The following NF1 variants were observed in gnomAD, a reference collection of about 807,000 sequenced individuals.
The protein encoded by NF1 is neurofibromin.
A neutral mutation model predicts 325.7 loss-of-function variants in NF1; 122 were observed. That is an observed-to-expected ratio of 0.37 (90% confidence interval 0.32 to 0.44). NF1 has a LOEUF of 0.44. Among genes scored for constraint, NF1 ranks in the 20% least tolerant of loss-of-function variants. The pLI is 1.00. For synonymous variants in NF1, 1,091 were observed against 1,186.0 expected (o/e 0.92, Z 1.65); for missense variants, 2,140 against 3,415.4 (o/e 0.63, Z 9.31).
chr17:31,343,078 G>C lies in NF1; in HGVS notation c.7132G>C (p.Val2378Leu), dbSNP rs764999370. ...GCACTGCAAGCAAATGGATCATTTT[G>C]TTGGACTCAATTTCAACTCTAACTT... The part of the protein sequence containing the change: ...EWHCKQMDHF[V>L]GLNFNSNFNF... The change falls in exon 48 of 58, where the codon GTT becomes CTT. Residue 2378 changes from valine to leucine, a missense_variant. By Grantham distance (32) the Val-to-Leu change is conservative (BLOSUM62 1). Transcript: ENST00000358273. The C allele has an allele frequency of 6.2e-7, 1 of 1,614,070 alleles. No homozygotes were observed. Among genetic ancestry groups the C allele is most frequent in the South Asian group, 1.1e-5 (1 of 91,086 alleles).
At chr17:31,217,896 C>T (rs192491049) in intron 13 of NF1, among the ~76,000 whole-genome samples, 6 of 134,176 alleles carry the variant, frequency 4.5e-5, no homozygotes, top group Non-Finnish European at 9.2e-5. Context: ...ACCCAGGAGG[C>T]AGAGGTTGCA....
At chr17:31,295,554 A>G in intron 36 of NF1, 1 of 1,614,092 alleles carries the variant, frequency 6.2e-7, no homozygotes, top group Admixed American at 1.7e-5. Flanking sequence ...TCCTTTAAAG[A>G]TGATATTTGG....
At chr17:31,105,667 A>G (rs1912794088) in intron 1 of NF1, among the ~76,000 whole-genome samples, 3 of 152,092 alleles carry the variant, frequency 2.0e-5, no homozygotes, top group Admixed American at 1.3e-4. Flanking sequence ...GGCATGCGCC[A>G]CCATGCCCAG....
chr17:31,107,968 CA>C (rs1913016565), intron 1 of NF1, among the ~76,000 whole-genome samples: 1 of 150,574 alleles, frequency 6.6e-6, no homozygotes, highest in African/African-American at 2.4e-5. Context: ...CTAGTATGCA[CA>C]AAAAAATAAA....
chr17:31,365,801 A>G (rs2070505804), intron 57 of NF1, among the ~76,000 whole-genome samples: 1 of 152,182 alleles, frequency 6.6e-6, no homozygotes, highest in Non-Finnish European at 1.5e-5. Flanking sequence ...ACCTTGTACT[A>G]TATAGTATTC....
intron 54 of NF1, 133 bp downstream of exon 54, chr17:31,357,502 G>A (rs927704099): frequency 1.5e-5 from 11 of 738,104 alleles, no homozygotes; most frequent in Non-Finnish European, 2.2e-5. Flanking sequence ...TGAGACAGTA[G>A]GTTTAATGAG....
At chr17:31,102,023 T>A (rs1322488065) in intron 1 of NF1, among the ~76,000 whole-genome samples, 1 of 152,212 alleles carries the variant, frequency 6.6e-6, no homozygotes, top group Non-Finnish European at 1.5e-5. Flanking sequence ...GTAGACTGGC[T>A]AAATAAAAAA....
intron 57 of NF1, among the ~76,000 whole-genome samples, chr17:31,365,278 C>CAAAAA (rs67659795): frequency 0.24 from 23,733 of 99,778 alleles, 3,182 homozygotes; most frequent in African/African-American, 0.45. Context: ...GAACCTATCT[C>CAAAAA]AAAAAAAAAA....
chr17:31,343,956 T>TAAAA (rs35923147), intron 48 of NF1, among the ~76,000 whole-genome samples: 2 of 126,414 alleles, frequency 1.6e-5, no homozygotes, highest in East Asian at 2.2e-4. Context: ...ACCCTGCCTT[T>TAAAA]AAAAAAAAAA....
chr17:31,305,272 G>C, intron 36 of NF1: 1 of 1,614,160 alleles, frequency 6.2e-7, no homozygotes, highest in Non-Finnish European at 8.5e-7. Context: ...GGAGGTGTTG[G>C]CTATTGGTGT....
intron 8 of NF1, among the ~76,000 whole-genome samples, chr17:31,188,372 C>A (rs950081765): frequency 3.9e-5 from 6 of 152,200 alleles, no homozygotes; most frequent in African/African-American, 1.4e-4. Context: ...TTTCTTTTAT[C>A]ATATGACTTA....
chr17:31,356,170 T>G, intron 51 of NF1: 1 of 330,560 alleles, frequency 3.0e-6, no homozygotes, highest in Admixed American at 4.3e-5. Context: ...ATCATATTTG[T>G]TGATTTACCT....
At chr17:31,222,041 G>T in intron 15 of NF1, 112 bp downstream of exon 15, 1 of 1,291,202 alleles carries the variant, frequency 7.7e-7, no homozygotes, top group South Asian at 2.4e-5. Flanking sequence ...ACTTCCAAAG[G>T]TTTTATGGTT....
At chr17:31,189,591 T>A (rs2066304103) in intron 8 of NF1, among the ~76,000 whole-genome samples, 1 of 152,154 alleles carries the variant, frequency 6.6e-6, no homozygotes. Flanking sequence ...GTCTATAGAT[T>A]TACTTAATTC....
chr17:31,320,918 A>G (rs891199784), intron 36 of NF1: 3 of 155,316 alleles, frequency 1.9e-5, no homozygotes, highest in Non-Finnish European at 4.3e-5. Context: ...ACAGTGTAGT[A>G]TACATCATAG....
At chr17:31,241,221 T>G (rs1254381344) in intron 29 of NF1, among the ~76,000 whole-genome samples, 1 of 152,190 alleles carries the variant, frequency 6.6e-6, no homozygotes, top group African/African-American at 2.4e-5. Context: ...TCTGTGTTTT[T>G]CCTTATAGAT....
rs1348765051 is a variant in NF1 at position 31,377,300 on chromosome 17, GT to G, written c.*3147del. The G allele has an allele frequency of 4.3e-6, 1 of 233,272 alleles. No individual in the cohort carries two copies. Among genetic ancestry groups the G allele is most frequent in the Non-Finnish European group, 8.5e-6 (1 of 117,934 alleles). The allele number at this position is 233,272 out of a possible 1,614,324, so 14.5% of individuals were successfully genotyped here. ...TATTATTTTGCTTTTTTGTAAAGCA[GT>G]TAGTTGCTGCACATGGATAACAACA... is the stretch of plus-strand genomic sequence containing the variant. On this transcript the variant is annotated 3_prime_UTR_variant, in exon 58 of 58. Transcript: ENST00000358273.
intron 36 of NF1, chr17:31,318,646 T>C: frequency 6.2e-7 from 1 of 1,614,106 alleles, no homozygotes. Flanking sequence ...ACAGACATCC[T>C]TTTTGAAAAT....
chr17:31,148,485 CA>C (rs1176252325), intron 1 of NF1, among the ~76,000 whole-genome samples: 1 of 150,398 alleles, frequency 6.6e-6, no homozygotes, highest in African/African-American at 2.4e-5. Context: ...TTCAAGATTA[CA>C]ACTGAGTGAG....
Sources: allele counts gnomAD v4.1 joint callset (sites outside exome capture counted in the v4.1 genomes callset), GRCh38; gene constraint gnomAD v4.1.1; transcripts MANE v1.5; gene names NCBI Gene and HGNC (gene_info 2026-07-23, HGNC 2026-07-21).